CLSTN2: variants seen among roughly 807,000 people sequenced by gnomAD.
CLSTN2 encodes the protein calsyntenin 2, also known as calsyntenin-2.
In CLSTN2, 48 loss-of-function variants were observed where a neutral mutation model predicts 101.2. The ratio of observed to expected loss-of-function variants is 0.47; its 90% CI spans 0.38 to 0.60. The LOEUF is 0.60. Among genes scored for constraint, CLSTN2 ranks in the 20% least tolerant of loss-of-function variants. The probability of loss-of-function intolerance (pLI) is 0.00; values close to 1 mark genes in which losing one functional copy is unlikely to be tolerated. For missense variants in CLSTN2, 1,160 were observed against 1,238.2 expected, an observed-to-expected ratio of 0.94 and a Z score of 0.95; for synonymous variants, 481 against 463.6, an observed-to-expected ratio of 1.04 and a Z score of -0.48.
chr3:140,564,186 T>A (rs1463741035), intron 16 of CLSTN2, 41 bp downstream of exon 16: 5 of 1,585,786 alleles, frequency 3.2e-6, no homozygotes, highest in Non-Finnish European at 4.3e-6. Flanking sequence ...GTGGGGTGCT[T>A]CTCCCTCTAC....
chr3:140,450,462 AC>A (rs1559873129), intron 6 of CLSTN2, among the ~76,000 whole-genome samples: 1 of 151,934 alleles, frequency 6.6e-6, no homozygotes, highest in African/African-American at 2.4e-5. Context: ...CTTCACTCCT[AC>A]TCCTGCACAT....
chr3:140,165,337 G>C (rs1255189709), intron 1 of CLSTN2, among the ~76,000 whole-genome samples: 4 of 152,168 alleles, frequency 2.6e-5, no homozygotes, highest in African/African-American at 9.7e-5. Context: ...TGCTGGCAAG[G>C]AAAACGTGTG....
rs1037142241 is a variant in CLSTN2 at position 140,399,634 on chromosome 3, G to A, written c.233-3995G>A. 3.7e-4 allele frequency among the ~76,000 whole-genome samples: 56 copies of A among 152,268 alleles called. 1 individual carries two copies. Among genetic ancestry groups the A allele is most frequent in the African/African-American group, 1.3e-3 (53 of 41,554 alleles). ...TATTTTACAGTTCATATATACATAT[G>A]TATTTAATTCTTACCACAACAGTAT... is the stretch of plus-strand genomic sequence containing the variant. On this transcript the variant is annotated intron_variant, in intron 2 of 16. Coordinates refer to ENST00000458420, the MANE Select transcript of CLSTN2 (RefSeq NM_022131.3).
intron 1 of CLSTN2, among the ~76,000 whole-genome samples, chr3:140,031,294 T>C (rs866703722): frequency 6.6e-6 from 1 of 152,172 alleles, no homozygotes; most frequent in African/African-American, 2.4e-5. Context: ...TGGTTCTTTG[T>C]TAGTGACGCG....
At chr3:140,466,982 G>A (rs554102057) in intron 8 of CLSTN2, among the ~76,000 whole-genome samples, 1 of 152,296 alleles carries the variant, frequency 6.6e-6, no homozygotes, top group South Asian at 2.1e-4. Flanking sequence ...GTCATGTGCC[G>A]TTTGTCCATT....
At chr3:140,248,635 C>T (rs1288262477) in intron 2 of CLSTN2, among the ~76,000 whole-genome samples, 1 of 152,194 alleles carries the variant, frequency 6.6e-6, no homozygotes, top group African/African-American at 2.4e-5. Context: ...TAGTTAATAA[C>T]AGATCCACAG....
chr3:140,500,518 G>C (rs2107762083), intron 8 of CLSTN2, among the ~76,000 whole-genome samples: 1 of 152,348 alleles, frequency 6.6e-6, no homozygotes, highest in African/African-American at 2.4e-5. Context: ...TTCTGAATCA[G>C]AGGAGTGTTG....
At chr3:140,126,004 G>C (rs71314537) in intron 1 of CLSTN2, among the ~76,000 whole-genome samples, 2 of 152,166 alleles carry the variant, frequency 1.3e-5, no homozygotes, top group East Asian at 3.9e-4. Flanking sequence ...ATTTATACTA[G>C]AGTGAATGAG....
intron 2 of CLSTN2, among the ~76,000 whole-genome samples, chr3:140,241,808 T>C (rs11916795): frequency 0.025 from 2,812 of 112,254 alleles, 42 homozygotes; most frequent in South Asian, 0.064. Context: ...TATATATATA[T>C]ACACATATAT....
intron 2 of CLSTN2, among the ~76,000 whole-genome samples, chr3:140,326,446 C>T (rs1034320177): frequency 1.3e-5 from 2 of 152,216 alleles, no homozygotes; most frequent in South Asian, 2.1e-4. Flanking sequence ...AAGTTGTACA[C>T]TACCTACGTC....
intron 2 of CLSTN2, among the ~76,000 whole-genome samples, chr3:140,181,790 A>C (rs575276692): frequency 7.9e-5 from 12 of 152,318 alleles, no homozygotes; most frequent in Non-Finnish European, 1.6e-4. Context: ...TCTGTTTTGC[A>C]AATGAAGACA....
intron 6 of CLSTN2, among the ~76,000 whole-genome samples, chr3:140,458,293 C>A (rs1421049711): frequency 6.6e-6 from 1 of 152,072 alleles, no homozygotes; most frequent in East Asian, 1.9e-4. Flanking sequence ...AACCACTGTC[C>A]ATTAAACCCA....
intron 2 of CLSTN2, among the ~76,000 whole-genome samples, chr3:140,287,932 A>T (rs1237722980): frequency 6.6e-6 from 1 of 152,188 alleles, no homozygotes; most frequent in Non-Finnish European, 1.5e-5. Flanking sequence ...GAGCCAAATA[A>T]CACTTCAAAA....
chr3:140,064,876 G>A (rs2008272700), intron 1 of CLSTN2, among the ~76,000 whole-genome samples: 1 of 152,014 alleles, frequency 6.6e-6, no homozygotes, highest in Non-Finnish European at 1.5e-5. Flanking sequence ...AATATCAAAA[G>A]CACAAAGATT....
At chr3:139,992,345 C>T (rs949428182) in intron 1 of CLSTN2, among the ~76,000 whole-genome samples, 1 of 152,094 alleles carries the variant, frequency 6.6e-6, no homozygotes, top group Non-Finnish European at 1.5e-5. Context: ...TGAAAGAATG[C>T]CTCCTTCTCT....
At chr3:140,420,187 C>T (rs2088485044) in intron 4 of CLSTN2, among the ~76,000 whole-genome samples, 2 of 151,854 alleles carry the variant, frequency 1.3e-5, no homozygotes, top group Admixed American at 1.3e-4. Flanking sequence ...AACCACTGCA[C>T]CCAGCCTATT....
At chr3:140,327,105 A>G (rs1244296287) in intron 2 of CLSTN2, among the ~76,000 whole-genome samples, 1 of 152,274 alleles carries the variant, frequency 6.6e-6, no homozygotes, top group Non-Finnish European at 1.5e-5. Context: ...AAGACAGAAT[A>G]CAAAGAGACA....
intron 2 of CLSTN2, among the ~76,000 whole-genome samples, chr3:140,208,290 C>T: frequency 6.6e-6 from 1 of 152,168 alleles, no homozygotes; most frequent in Middle Eastern, 3.4e-3. Context: ...AGGCTCAAAC[C>T]TAATTTCTTT....
intron 2 of CLSTN2, among the ~76,000 whole-genome samples, chr3:140,311,909 G>A (rs566390462): frequency 3.9e-5 from 6 of 152,160 alleles, no homozygotes; most frequent in Non-Finnish European, 8.8e-5. Flanking sequence ...ATCTTGAGTC[G>A]CATCTCTAAT....
Sources: gnomAD v4.1 joint callset for allele counts (sites outside exome capture counted in the v4.1 genomes callset) on GRCh38, gnomAD v4.1.1 for gene constraint, MANE v1.5 for transcripts, NCBI Gene and HGNC (gene_info 2026-07-23, HGNC 2026-07-21) for gene names.